Variants in CSMD3 observed in about 807,000 individuals in gnomAD.
CSMD3 encodes the protein CUB and Sushi multiple domains 3.
CSMD3 carries 177 observed loss-of-function variants against 435.2 expected under a neutral mutation model. That is an observed-to-expected ratio of 0.41 (90% CI 0.36 to 0.46). CSMD3 has a LOEUF of 0.46. Among genes scored for constraint, CSMD3 ranks in the 20% least tolerant of loss-of-function variants. The pLI is 0.34. For missense variants in CSMD3, 4,265 were observed against 4,504.6 expected, an observed-to-expected ratio of 0.95 and a Z score of 1.52; for synonymous variants, 1,656 against 1,520.5, an observed-to-expected ratio of 1.09 and a Z score of -2.07.
chr8:113,314,950 T>C (rs1324060714), intron 1 of CSMD3, among the ~76,000 whole-genome samples, 157 bp from the exon 2 acceptor site: 1 of 152,166 alleles, frequency 6.6e-6, no homozygotes, highest in Non-Finnish European at 1.5e-5. Context: ...TACAAATATA[T>C]ATGTAAAATA....
chr8:113,388,242 A>C (rs2133137380), intron 1 of CSMD3, among the ~76,000 whole-genome samples: 2 of 151,812 alleles, frequency 1.3e-5, no homozygotes, highest in South Asian at 4.1e-4. Flanking sequence ...GACAAACATA[A>C]TAGTTCCCAT....
intron 1 of CSMD3, among the ~76,000 whole-genome samples, chr8:113,432,185 A>G (rs1355306163): frequency 6.6e-6 from 1 of 152,134 alleles, no homozygotes; most frequent in African/African-American, 2.4e-5. Flanking sequence ...CGGTGCTGCA[A>G]AAGGACATTT....
chr8:112,234,312 G>A, intron 68 of CSMD3, 53 bp downstream of exon 68: 2 of 1,176,506 alleles, frequency 1.7e-6, no homozygotes, highest in Non-Finnish European at 1.3e-6. Context: ...TCCTGGACAA[G>A]CTACAAATTT....
chr8:112,719,862 A>G (rs1460530182), intron 13 of CSMD3, among the ~76,000 whole-genome samples: 1 of 152,230 alleles, frequency 6.6e-6, no homozygotes. Flanking sequence ...CTAAAAAATT[A>G]AAGGAACAAA....
At chr8:112,361,888 T>A (rs1043193239) in intron 38 of CSMD3, among the ~76,000 whole-genome samples, 3 of 151,730 alleles carry the variant, frequency 2.0e-5, no homozygotes, top group African/African-American at 7.2e-5. Context: ...ATAGTAAAGA[T>A]CTTTTTATTC....
rs2076073834 is a variant in CSMD3 at position 112,688,987 on chromosome 8, A to G, written c.2155+881T>C. On this transcript the variant is annotated intron_variant, in intron 14 of 70. Transcript: ENST00000297405. ...GTTGTCCTCCTAGAAGAACACCTAG[A>G]ATTAAAAATTGTCAACAAAAGTATT... is the stretch of plus-strand genomic sequence containing the variant. Among the ~76,000 whole-genome samples, 3 of 152,060 alleles carry G rather than the reference A, an allele frequency of 2.0e-5. No individual in the cohort carries two copies. The South Asian group carries it at 6.2e-4, about 31-fold the overall frequency.
chr8:112,301,858 A>G lies in CSMD3; in HGVS notation c.8375T>C (p.Val2792Ala). 6.2e-7 allele frequency: 1 copy of G among 1,613,948 alleles called. No individual in the cohort carries two copies. Among genetic ancestry groups the G allele is most frequent in the Non-Finnish European group, 8.5e-7 (1 of 1,179,850 alleles). ...IFTCDLGFML[V>A]GSAVRECLSS... is the part of the protein sequence containing the mutation. ...AAGGCATTCCCTTACAGCAGAGCCC[A>G]CAAGCATGAATCCCAAGTCGCAGGT... The change falls in exon 53 of 71, where the codon GTG (valine) becomes GCG (alanine). Residue 2792 changes from valine to alanine, a missense_variant. This residue lies in a region of CSMD3 where 3,255 missense variants were observed against 3,380.2 expected (regional missense o/e 0.96). Coordinates refer to ENST00000297405, the MANE Select transcript of CSMD3 (RefSeq NM_198123.2).
chr8:113,369,736 T>A (rs983229442), intron 1 of CSMD3, among the ~76,000 whole-genome samples: 1 of 151,854 alleles, frequency 6.6e-6, no homozygotes, highest in East Asian at 1.9e-4. Context: ...TACTAAAGAA[T>A]GAAATCCTAT....
intron 32 of CSMD3, 29 bp downstream of exon 32, chr8:112,472,562 T>G: frequency 8.7e-7 from 1 of 1,143,466 alleles, no homozygotes. Flanking sequence ...CTGGATGAAA[T>G]ACTACATAAT....
intron 11 of CSMD3, 33 bp downstream of exon 11, chr8:112,859,111 CT>C (rs551210333): frequency 3.8e-4 from 591 of 1,558,642 alleles, no homozygotes; most frequent in Non-Finnish European, 4.2e-4. Context: ...ATGATTATGA[CT>C]TTTTTTTTAA....
intron 22 of CSMD3, among the ~76,000 whole-genome samples, chr8:112,630,470 G>A (rs1328065748): frequency 6.6e-6 from 1 of 152,004 alleles, no homozygotes; most frequent in African/African-American, 2.4e-5. Flanking sequence ...TTCTTAAATG[G>A]TTTGTATAAA....
intron 11 of CSMD3, among the ~76,000 whole-genome samples, chr8:112,840,807 A>T (rs1254983152): frequency 6.6e-6 from 1 of 151,602 alleles, no homozygotes; most frequent in Non-Finnish European, 1.5e-5. Context: ...TAAGTTTTGG[A>T]GGTTAAGTTA....
intron 5 of CSMD3, among the ~76,000 whole-genome samples, chr8:113,037,605 T>C (rs778679813): frequency 6.6e-6 from 1 of 152,126 alleles, no homozygotes; most frequent in Non-Finnish European, 1.5e-5. Context: ...GTTACAATTT[T>C]ATTTGAAAAA....
chr8:112,619,937 CG>C (rs2131509667), intron 22 of CSMD3, among the ~76,000 whole-genome samples: 1 of 121,446 alleles, frequency 8.2e-6, no homozygotes, highest in Admixed American at 8.3e-5. Flanking sequence ...TGAAGGACTA[CG>C]GTAAAAACAA....
intron 5 of CSMD3, among the ~76,000 whole-genome samples, chr8:113,092,395 G>GT (rs1389957066): frequency 3.3e-5 from 5 of 152,006 alleles, no homozygotes; most frequent in African/African-American, 4.8e-5. Context: ...TAAAAACCAT[G>GT]TATCAGAGAT....
chr8:113,416,898 G>A (rs2094584178), intron 1 of CSMD3, among the ~76,000 whole-genome samples: 1 of 152,050 alleles, frequency 6.6e-6, no homozygotes, highest in South Asian at 2.1e-4. Flanking sequence ...AACTGACATA[G>A]ATATCAAACA....
chr8:112,975,921 C>T lies in CSMD3; in HGVS notation c.1258G>A (p.Ala420Thr), dbSNP rs773690820. The change falls in exon 7 of 71, where the codon GCA becomes ACA. Residue 420 changes from alanine (A) to threonine (T), a missense_variant. Coordinates refer to ENST00000297405, the MANE Select transcript of CSMD3 (RefSeq NM_198123.2). ...CTTCTCCTGGTACTTTGTGTATCTGCTGGATGAGGAGAGAGCCCGTCCTTG... is the reference window on the plus strand; with the variant it reads ...CTTCTCCTGGTACTTTGTGTATCTGTTGGATGAGGAGAGAGCCCGTCCTTG... ...TSKDGLSPHP[A>T]DTQSTRRRPR... 2 of 1,614,022 alleles carry T rather than the reference C, an allele frequency of 1.2e-6. No homozygotes were observed. The highest frequency in any genetic ancestry group is 1.1e-5 in the South Asian group (1 of 91,090).
intron 27 of CSMD3, among the ~76,000 whole-genome samples, chr8:112,536,301 A>G (rs1391556308): frequency 1.3e-5 from 2 of 152,152 alleles, no homozygotes; most frequent in Non-Finnish European, 2.9e-5. Flanking sequence ...TCCAGAATCT[A>G]CAATGAACTC....
chr8:113,335,565 G>GTTTTTTTTTTTTTTT (rs1263100966), intron 1 of CSMD3, among the ~76,000 whole-genome samples: 15 of 98,124 alleles, frequency 1.5e-4, no homozygotes, highest in East Asian at 3.3e-4. Flanking sequence ...TTTTTTTTGG[G>GTTTTTTTTTTTTTTT]TATTTACATG....
Sources: allele counts gnomAD v4.1 joint callset (sites outside exome capture counted in the v4.1 genomes callset), GRCh38; gene constraint gnomAD v4.1.1; regional missense constraint gnomAD v4.1.1; transcripts MANE v1.5; gene names NCBI Gene and HGNC (gene_info 2026-07-23, HGNC 2026-07-21).